KDM4C: variants seen among roughly 807,000 people sequenced by gnomAD.
The protein encoded by KDM4C is lysine demethylase 4C.
KDM4C carries 81 observed loss-of-function variants against 129.3 expected under a neutral mutation model. The ratio of observed to expected loss-of-function variants is 0.63; its 90% CI spans 0.52 to 0.75. The LOEUF (loss-of-function observed/expected upper bound fraction) is 0.75, where lower values mean the gene tolerates loss of function less well. KDM4C is among the 30% of genes least tolerant of loss of function. The pLI is 0.00. For synonymous variants in KDM4C, 573 were observed against 456.1 expected, an observed-to-expected ratio of 1.26 and a Z score of -3.26; for missense variants, 1,457 against 1,304.0, an observed-to-expected ratio of 1.12 and a Z score of -1.81.
chr9:6,915,542 A>G (rs1164990157), intron 8 of KDM4C, among the ~76,000 whole-genome samples: 5 of 152,218 alleles, frequency 3.3e-5, no homozygotes, highest in Non-Finnish European at 7.3e-5. Flanking sequence ...TGTATTTGAC[A>G]CATATTATGC....
chr9:7,052,888 AGAGAGAGAGAGAGC>A (rs1830358087), intron 17 of KDM4C, among the ~76,000 whole-genome samples: 1 of 12,254 alleles, frequency 8.2e-5, no homozygotes, highest in South Asian at 2.3e-3. Context: ...AGAGAGAGAG[AGAGAGAGAGAGAGC>A]GAGCGAGTGC....
At chr9:6,757,825 G>A, upstream of KDM4C, 2 of 985,628 alleles carry the variant, frequency 2.0e-6, no homozygotes, top group Non-Finnish European at 2.4e-6. Context: ...AAGAAGATGC[G>A]CGCCAGCAAG....
At position 7,065,124 on chromosome 9, in the gene KDM4C, A is replaced by G. The variant is rs190901729; in HGVS notation, c.2424+15924A>G. 1.4e-3 allele frequency among the ~76,000 whole-genome samples: 209 copies of G among 152,342 alleles called. 1 individual carries two copies. The highest frequency in any genetic ancestry group is 1.7e-3 in the Non-Finnish European group (115 of 68,024). On this transcript the variant is annotated intron_variant, in intron 17 of 21. Coordinates refer to ENST00000381309, the MANE Select transcript of KDM4C (RefSeq NM_015061.6). ...TGGCCACCTATCAAAGGGAATTTGC[A>G]TTAAGAACTACACAGAATTTTGTCA... is the stretch of plus-strand genomic sequence containing the variant.
chr9:7,099,028 T>C (rs1263292314), intron 17 of KDM4C, among the ~76,000 whole-genome samples: 1 of 152,198 alleles, frequency 6.6e-6, no homozygotes, highest in African/African-American at 2.4e-5. Context: ...TGTTCCCTGT[T>C]TGAGCTGGGA....
intron 1 of KDM4C, among the ~76,000 whole-genome samples, chr9:6,752,225 C>T (rs941710413): frequency 7.1e-6 from 1 of 141,178 alleles, no homozygotes; most frequent in Admixed American, 7.4e-5. Flanking sequence ...CCCAGCTACA[C>T]GGGAGGCTGA....
chr9:6,979,032 T>A (rs781168896), intron 8 of KDM4C, among the ~76,000 whole-genome samples: 2 of 152,200 alleles, frequency 1.3e-5, no homozygotes, highest in Admixed American at 1.3e-4. Context: ...ATTGTAATCA[T>A]GATCAGGCCT....
At chr9:7,131,691 A>G (rs1254585223) in intron 19 of KDM4C, among the ~76,000 whole-genome samples, 3 of 152,166 alleles carry the variant, frequency 2.0e-5, no homozygotes, top group African/African-American at 4.8e-5. Context: ...ATTCATCTAC[A>G]TCAGAACTGT....
chr9:6,935,427 T>C (rs1473961817), intron 8 of KDM4C, among the ~76,000 whole-genome samples: 1 of 151,832 alleles, frequency 6.6e-6, no homozygotes, highest in Non-Finnish European at 1.5e-5. Context: ...TTTTTTTTCT[T>C]TTTTTTTGAG....
At chr9:6,737,897 G>C (rs940504369) in intron 1 of KDM4C, among the ~76,000 whole-genome samples, 1 of 151,984 alleles carries the variant, frequency 6.6e-6, no homozygotes, top group Non-Finnish European at 1.5e-5. Flanking sequence ...AGCACTTTGG[G>C]AGGCCGAAGC....
rs56211847 is a variant in KDM4C, at chr9:6,744,956, A to C, written c.49+23959A>C. On this transcript the variant is annotated intron_variant, in intron 1 of 17. Coordinates refer to the KDM4C transcript ENST00000536108. ...CAGCAGATATATGGGATGGAGGTGC[A>C]CGGCCAGCCCTCTTCCTCCTCCTAT... is the stretch of plus-strand genomic sequence containing the variant. 5.0e-3 allele frequency among the ~76,000 whole-genome samples: 766 copies of C among 152,188 alleles called. 5 individuals are homozygous for C. Among genetic ancestry groups the C allele is most frequent in the Non-Finnish European group, 8.9e-3 (607 of 68,008 alleles).
Position 6,931,193 on chromosome 9 carries a change from C to T in KDM4C, c.921+37961C>T, listed in dbSNP as rs551983221. On this transcript the variant is annotated intron_variant, in intron 8 of 21. Coordinates refer to ENST00000381309, the MANE Select transcript of KDM4C (RefSeq NM_015061.6). ...CAAGGGCAGCATGCATTGCTGGATA[C>T]TCCCCTTGTTTTTCTATCTGGAGCC... Among the ~76,000 whole-genome samples, 203 of 151,774 alleles carry T rather than the reference C, an allele frequency of 1.3e-3. No individual in the cohort carries two copies. In the Middle Eastern group the frequency reaches 0.021, roughly 15 times the overall value.
chr9:6,990,675 A>G (rs1243312445), intron 12 of KDM4C, 151 bp downstream of exon 12: 4 of 595,656 alleles, frequency 6.7e-6, no homozygotes, highest in African/African-American at 3.8e-5. Context: ...TTTACAGGTA[A>G]AAGGAATTTG....
In KDM4C at chr9:6,821,455, A is replaced by C. The variant is rs553380727; in HGVS notation, c.435+6710A>C. Among the ~76,000 whole-genome samples, 10 of 151,982 alleles carry C rather than the reference A, an allele frequency of 6.6e-5. No homozygotes were observed. In the East Asian group the frequency reaches 1.2e-3, roughly 18 times the overall value. On this transcript the variant is annotated intron_variant, in intron 4 of 21. Coordinates refer to ENST00000381309, the MANE Select transcript of KDM4C (RefSeq NM_015061.6). Reference sequence around the variant, plus strand: ...GTATCTCATTGTGGTTTTGATTTGCATTTTTCTGATGACCAGTGATGATGA... The same window carrying C: ...GTATCTCATTGTGGTTTTGATTTGCCTTTTTCTGATGACCAGTGATGATGA...
intron 8 of KDM4C, among the ~76,000 whole-genome samples, chr9:6,935,497 ATCTCCCATCTCCCAAGTTCAAGAGAT>A (rs934023390): frequency 6.6e-6 from 1 of 151,704 alleles, no homozygotes; most frequent in Non-Finnish European, 1.5e-5. Flanking sequence ...GTTCACTGCA[ATCTCCCATCTCCCAAGTTCAAGAGAT>A]TCTCCTGCCT....
At chr9:6,899,412 C>A (rs997816962) in intron 8 of KDM4C, among the ~76,000 whole-genome samples, 2 of 152,196 alleles carry the variant, frequency 1.3e-5, no homozygotes, top group South Asian at 4.2e-4. Context: ...CCGTAGTTTA[C>A]ATTAGGGCTC....
chr9:7,093,327 C>G (rs1252266967), intron 17 of KDM4C, among the ~76,000 whole-genome samples: 2 of 151,972 alleles, frequency 1.3e-5, no homozygotes, highest in African/African-American at 4.8e-5. Context: ...TAAAATAGCT[C>G]TAAAGATAAT....
At chr9:6,756,081 C>T (rs960582330), upstream of KDM4C, among the ~76,000 whole-genome samples, 2 of 152,108 alleles carry the variant, frequency 1.3e-5, no homozygotes, top group African/African-American at 4.8e-5. Context: ...TTCAGGTTTC[C>T]AGATTTTTTA....
intron 15 of KDM4C, among the ~76,000 whole-genome samples, chr9:7,045,918 A>G (rs528116143): frequency 3.9e-5 from 6 of 152,212 alleles, no homozygotes; most frequent in African/African-American, 1.4e-4. Flanking sequence ...AAAGCTAGGA[A>G]AAATTGTCAA....
chr9:7,095,985 A>C (rs565348996), intron 17 of KDM4C, among the ~76,000 whole-genome samples: 154 of 152,384 alleles, frequency 1.0e-3, no homozygotes, highest in Non-Finnish European at 1.7e-3. Flanking sequence ...AGAAGTACTT[A>C]GAAAACACCT....
Sources: allele counts gnomAD v4.1 joint callset (sites outside exome capture counted in the v4.1 genomes callset), GRCh38; gene constraint gnomAD v4.1.1; transcripts MANE v1.5; gene names NCBI Gene and HGNC (gene_info 2026-07-23, HGNC 2026-07-21).